TRAK2: variants seen among roughly 807,000 people sequenced by gnomAD.
TRAK2 encodes the protein trafficking kinesin-binding protein 2.
A neutral mutation model predicts 104.6 loss-of-function variants in TRAK2; 81 were observed. The ratio of observed to expected loss-of-function variants is 0.77; its 90% confidence interval spans 0.65 to 0.93. The LOEUF (loss-of-function observed/expected upper bound fraction) is 0.93. TRAK2 is among the 40% of genes least tolerant of loss of function. TRAK2 has a pLI of 0.00. For missense variants in TRAK2, 1,002 were observed against 1,089.0 expected, an observed-to-expected ratio of 0.92 and a Z score of 1.12; for synonymous variants, 406 against 394.4, an observed-to-expected ratio of 1.03 and a Z score of -0.35.
intron 1 of TRAK2, 120 bp from the exon 2 acceptor site, chr2:201,420,826 C>T (rs1365503528): frequency 5.0e-6 from 1 of 201,674 alleles, no homozygotes; most frequent in African/African-American, 2.3e-5. Context: ...ATGGATAAAT[C>T]TCATAATTAT....
intron 1 of TRAK2, among the ~76,000 whole-genome samples, chr2:201,442,562 A>G (rs1411479003): frequency 6.6e-6 from 1 of 152,198 alleles, no homozygotes; most frequent in Non-Finnish European, 1.5e-5. Flanking sequence ...TGGAATAGGG[A>G]TGAGGCAAAT....
Position 201,377,338 on chromosome 2 carries a change from G to C in TRAK2, c.*3205C>G, listed in dbSNP as rs143684668. On this transcript the variant is annotated 3_prime_UTR_variant, in exon 16 of 16. Coordinates refer to ENST00000332624, the MANE Select transcript of TRAK2 (RefSeq NM_015049.3). ...AGTATTCCCCTGGCTGCCCTAGAGG[G>C]CACTTGTGCCCACTCTGAGGGGGAT... The C allele has an allele frequency of 1.3e-5, 2 of 152,296 alleles. No individual in the cohort carries two copies. The highest frequency in any genetic ancestry group is 4.8e-5 in the African/African-American group (2 of 41,562). 9.4% of individuals were successfully genotyped at this position (152,296 alleles called of 1,614,324 possible).
At chr2:201,414,689 T>C (rs1951677051) in intron 2 of TRAK2, among the ~76,000 whole-genome samples, 1 of 152,148 alleles carries the variant, frequency 6.6e-6, no homozygotes, top group African/African-American at 2.4e-5. Context: ...TGAACATATA[T>C]CCAAATTCTA....
chr2:201,399,348 A>G lies in TRAK2; in HGVS notation c.480+29T>C, dbSNP rs1298291508. 2.0e-6 allele frequency: 3 copies of G among 1,476,084 alleles called. No individual in the cohort carries two copies. In the East Asian group the frequency reaches 6.8e-5, roughly 34 times the overall value. 91.4% of individuals were successfully genotyped at this position (1,476,084 alleles called of 1,614,324 possible). A position where few individuals can be genotyped will look rare whatever the true frequency, so the allele number is the denominator to read the frequency against. On this transcript the variant is annotated intron_variant, in intron 5 of 15. Transcript: ENST00000332624. ...CAATTGCATAAAACCTAATTATTTC[A>G]TACTGCAGACATTTGATCAAAGGCT...
intron 10 of TRAK2, among the ~76,000 whole-genome samples, chr2:201,390,761 T>TC (rs1951440321): frequency 6.6e-6 from 1 of 151,808 alleles, no homozygotes; most frequent in African/African-American, 2.4e-5. Context: ...GCTTTTTGCT[T>TC]TTCTGTAATT....
chr2:201,401,614 T>C (rs1951551511), intron 3 of TRAK2, among the ~76,000 whole-genome samples: 1 of 152,156 alleles, frequency 6.6e-6, no homozygotes, highest in Non-Finnish European at 1.5e-5. Context: ...GGTTCTGTTA[T>C]GAACCATAAT....
At position 201,395,485 on chromosome 2, in the gene TRAK2, A is replaced by T. The variant is rs16837419; in HGVS notation, c.770-41T>A. On this transcript the variant is annotated intron_variant, in intron 7 of 15. Transcript: ENST00000332624. ...AATTTTTTTAAATTAATACAAATGT[A>T]GAGAAGGAGTTGGCAAACTATGACT... 2.4e-3 allele frequency: 3,493 copies of T among 1,464,820 alleles called. 99 individuals are homozygous for T. The East Asian group carries it at 0.066, about 28-fold the overall frequency. The allele number at this position is 1,464,820 out of a possible 1,614,324, so 90.7% of individuals were successfully genotyped here. A position where few individuals can be genotyped will look rare whatever the true frequency, so the allele number is the denominator to read the frequency against.
At chr2:201,410,777 T>A in intron 2 of TRAK2, 1 of 1,602,566 alleles carries the variant, frequency 6.2e-7, no homozygotes, top group Non-Finnish European at 8.5e-7. Context: ...AATTGGTTCA[T>A]GCTAACTTTG....
chr2:201,417,017 T>C (rs1951697416), intron 2 of TRAK2, among the ~76,000 whole-genome samples: 2 of 142,250 alleles, frequency 1.4e-5, no homozygotes, highest in Non-Finnish European at 3.1e-5. Context: ...GGATTTTCTT[T>C]TTAGAAAAGA....
chr2:201,440,210 T>C (rs942820238), intron 1 of TRAK2, among the ~76,000 whole-genome samples: 2 of 152,066 alleles, frequency 1.3e-5, no homozygotes, highest in African/African-American at 2.4e-5. Flanking sequence ...TAATCCCAAA[T>C]TGCTATTTTT....
chr2:201,438,807 C>T (rs2125661714), intron 1 of TRAK2, among the ~76,000 whole-genome samples: 1 of 152,244 alleles, frequency 6.6e-6, no homozygotes, highest in Non-Finnish European at 1.5e-5. Context: ...TATCTGGTTC[C>T]AGAGTTGGGT....
Position 201,381,045 on chromosome 2 carries a change from C to T in TRAK2, c.2243G>A (p.Arg748Gln), listed in dbSNP as rs750213831. The T allele has an allele frequency of 5.2e-5, 84 of 1,613,932 alleles. 1 individual carries two copies. The Admixed American group carries it at 1.1e-3, about 21-fold the overall frequency. Residue 748 changes from arginine (R) to glutamine (Q), a missense_variant, in exon 16 of 16, where the codon CGA (arginine) becomes CAA (glutamine). Transcript: ENST00000332624. ...GTGGTACACTTTGGCAGAGATGCCTCGCTCTTGTAGAAGTTTGGCCAAGCT... is the reference window on the plus strand; with the variant it reads ...GTGGTACACTTTGGCAGAGATGCCTTGCTCTTGTAGAAGTTTGGCCAAGCT... ...TMSLAKLLQE[R>Q]GISAKVYHSP...
intron 14 of TRAK2, 137 bp downstream of exon 14, chr2:201,386,081 T>C (rs1951386935): frequency 3.3e-6 from 3 of 903,656 alleles, no homozygotes; most frequent in Non-Finnish European, 5.0e-6. Flanking sequence ...ATGCCACTAA[T>C]GCTATAGATT....
chr2:201,407,364 CTT>C (rs1559445163), intron 3 of TRAK2, 37 bp downstream of exon 3: 3 of 1,554,840 alleles, frequency 1.9e-6, no homozygotes. Flanking sequence ...ATGATCATTA[CTT>C]TAATGCACAA....
At chr2:201,448,076 C>T (rs1004223564) in intron 1 of TRAK2, among the ~76,000 whole-genome samples, 2 of 152,200 alleles carry the variant, frequency 1.3e-5, no homozygotes, top group African/African-American at 4.8e-5. Context: ...GAACAGGAAC[C>T]TTGAAGTACG....
rs1559434183 is a variant in TRAK2, at chr2:201,379,151, T to C, written c.*1392A>G. The C allele has an allele frequency of 6.6e-6, 1 of 152,210 alleles. No homozygotes were observed. Among genetic ancestry groups the C allele is most frequent in the Non-Finnish European group, 1.5e-5 (1 of 68,034 alleles). The allele number at this position is 152,210 out of a possible 1,614,324, so 9.4% of individuals were successfully genotyped here. Reference sequence around the variant, plus strand: ...ACATTTCTTTCTGAACTGCGTGCTGTCTAGACAAAGCCACGTCATCTGATG... The same window carrying C: ...ACATTTCTTTCTGAACTGCGTGCTGCCTAGACAAAGCCACGTCATCTGATG... On this transcript the variant is annotated 3_prime_UTR_variant, in exon 16 of 16. Coordinates refer to ENST00000332624, the MANE Select transcript of TRAK2 (RefSeq NM_015049.3).
At chr2:201,437,176 T>C (rs1021879744) in intron 1 of TRAK2, among the ~76,000 whole-genome samples, 19 of 152,176 alleles carry the variant, frequency 1.2e-4, no homozygotes, top group Non-Finnish European at 2.1e-4. Context: ...TTTTGAGATA[T>C]GGCTACTGGC....
chr2:201,398,566 G>T (rs773127802), intron 5 of TRAK2, among the ~76,000 whole-genome samples: 1 of 152,014 alleles, frequency 6.6e-6, no homozygotes, highest in African/African-American at 2.4e-5. Flanking sequence ...TAATTCAACA[G>T]TACAGCTTTT....
chr2:201,385,221 A>C (rs1313248231), intron 14 of TRAK2, among the ~76,000 whole-genome samples: 1 of 152,224 alleles, frequency 6.6e-6, no homozygotes, highest in Non-Finnish European at 1.5e-5. Flanking sequence ...ATATTTGGAA[A>C]ATCTGCATAA....
Sources: gnomAD v4.1 joint callset for allele counts (sites outside exome capture counted in the v4.1 genomes callset) on GRCh38, gnomAD v4.1.1 for gene constraint, MANE v1.5 for transcripts, NCBI Gene and HGNC (gene_info 2026-07-23, HGNC 2026-07-21) for gene names.